The following EVI5 variants were observed in gnomAD, a reference collection of about 807,000 sequenced individuals.
EVI5 encodes the protein ecotropic viral integration site 5 protein homolog.
A neutral mutation model predicts 112.0 loss-of-function variants in EVI5; 73 were observed. The ratio of observed to expected loss-of-function variants is 0.65; its 90% CI spans 0.54 to 0.79. The LOEUF (loss-of-function observed/expected upper bound fraction) is 0.79, where lower values mean the gene tolerates loss of function less well. EVI5 is among the 30% of genes least tolerant of loss of function. The pLI is 0.00. For synonymous variants in EVI5, 305 were observed against 319.9 expected, an observed-to-expected ratio of 0.95 and a Z score of 0.50; for missense variants, 900 against 968.8, an observed-to-expected ratio of 0.93 and a Z score of 0.94.
At chr1:92,629,656 CTTTT>C (rs749218683) in intron 14 of EVI5, among the ~76,000 whole-genome samples, 2 of 151,112 alleles carry the variant, frequency 1.3e-5, no homozygotes, top group Non-Finnish European at 3.0e-5. Context: ...ATGAAATTTT[CTTTT>C]TTTTTCTTTT....
intron 2 of EVI5, among the ~76,000 whole-genome samples, chr1:92,708,822 T>C (rs773894361): frequency 1.3e-5 from 2 of 152,116 alleles, no homozygotes; most frequent in Non-Finnish European, 2.9e-5. Context: ...TCCATGAACC[T>C]TGAAAACATG....
intron 19 of EVI5, among the ~76,000 whole-genome samples, chr1:92,547,641 A>G (rs961277051): frequency 9.9e-5 from 15 of 152,168 alleles, no homozygotes; most frequent in African/African-American, 2.4e-4. Flanking sequence ...TCAAATAGAC[A>G]CAATAAAAAA....
chr1:92,591,364 C>A (rs868843288), intron 18 of EVI5, among the ~76,000 whole-genome samples: 8 of 152,116 alleles, frequency 5.3e-5, no homozygotes, highest in African/African-American at 1.9e-4. Flanking sequence ...ATTCAGGAAA[C>A]CCACCTCAAG....
chr1:92,756,605 T>C (rs1680988523), intron 1 of EVI5: 1 of 503,100 alleles, frequency 2.0e-6, no homozygotes, highest in African/African-American at 1.9e-5. Flanking sequence ...GGACCTCAAA[T>C]GGCACAACTA....
chr1:92,612,975 G>A (rs1188755879), intron 16 of EVI5, among the ~76,000 whole-genome samples: 1 of 152,108 alleles, frequency 6.6e-6, no homozygotes. Flanking sequence ...TACCCCAACG[G>A]GTACACACAC....
intron 19 of EVI5, among the ~76,000 whole-genome samples, chr1:92,546,963 T>A (rs943673788): frequency 1.6e-4 from 25 of 152,086 alleles, no homozygotes; most frequent in African/African-American, 5.8e-4. Flanking sequence ...AACAAGGATA[T>A]CCAGGAATTG....
At chr1:92,779,623 T>C (rs1320453093) in intron 1 of EVI5, among the ~76,000 whole-genome samples, 1 of 152,052 alleles carries the variant, frequency 6.6e-6, no homozygotes, top group Admixed American at 6.6e-5. Flanking sequence ...AATAAGTGAC[T>C]GAGTAGAGGA....
At chr1:92,538,510 G>GT (rs887811496) in intron 19 of EVI5, among the ~76,000 whole-genome samples, 2 of 152,164 alleles carry the variant, frequency 1.3e-5, no homozygotes, top group African/African-American at 4.8e-5. Context: ...TATATCATGT[G>GT]TTTTTTCAGT....
At chr1:92,783,451 T>A (rs1570960401) in intron 1 of EVI5, among the ~76,000 whole-genome samples, 1 of 118,256 alleles carries the variant, frequency 8.5e-6, no homozygotes, top group Admixed American at 1.1e-4. Flanking sequence ...GGAGAATATA[T>A]CCAGCCTAGG....
intron 1 of EVI5, among the ~76,000 whole-genome samples, chr1:92,770,542 G>A (rs1683228559): frequency 6.6e-6 from 1 of 152,126 alleles, no homozygotes; most frequent in African/African-American, 2.4e-5. Context: ...TGTAATCCCA[G>A]CACTTTGGGA....
At chr1:92,577,968 G>A (rs991896129) in intron 18 of EVI5, among the ~76,000 whole-genome samples, 2 of 152,014 alleles carry the variant, frequency 1.3e-5, no homozygotes, top group African/African-American at 4.8e-5. Flanking sequence ...CTTTTGTTTA[G>A]TGCAAGGTAG....
chr1:92,757,952 A>G (rs1681210664), intron 1 of EVI5, among the ~76,000 whole-genome samples: 1 of 151,974 alleles, frequency 6.6e-6, no homozygotes, highest in Non-Finnish European at 1.5e-5. Flanking sequence ...ATTTATAAGA[A>G]AAAACTGGTA....
chr1:92,729,384 G>T (rs1676099372), intron 2 of EVI5, among the ~76,000 whole-genome samples: 1 of 152,144 alleles, frequency 6.6e-6, no homozygotes, highest in African/African-American at 2.4e-5. Flanking sequence ...ACATAAGGGG[G>T]GACTACTATA....
At chr1:92,722,570 G>A (rs181966268) in intron 2 of EVI5, among the ~76,000 whole-genome samples, 1 of 148,734 alleles carries the variant, frequency 6.7e-6, no homozygotes, top group East Asian at 2.0e-4. Flanking sequence ...GCAGTGTTTG[G>A]TTTTCCCACT....
chr1:92,647,818 T>C (rs10874730), intron 13 of EVI5, among the ~76,000 whole-genome samples: 139,677 of 151,600 alleles, frequency 0.92, 64,432 homozygotes, highest in East Asian at 0.97. Context: ...TAGCTCACTG[T>C]AAACTCCACC....
At chr1:92,717,293 A>G (rs1673887876) in intron 2 of EVI5, among the ~76,000 whole-genome samples, 2 of 152,236 alleles carry the variant, frequency 1.3e-5, no homozygotes, top group African/African-American at 4.8e-5. Flanking sequence ...AAGGGCAGAC[A>G]GAAAGGTCGG....
chr1:92,663,588 C>A (rs974426720), intron 11 of EVI5, 136 bp from the exon 12 acceptor site: 5 of 404,986 alleles, frequency 1.2e-5, no homozygotes, highest in Non-Finnish European at 4.3e-6. Context: ...AGTTTAAAAC[C>A]ATTTTTTACT....
chr1:92,665,204 C>CA (rs540320336), intron 11 of EVI5, among the ~76,000 whole-genome samples: 139 of 151,384 alleles, frequency 9.2e-4, no homozygotes, highest in Non-Finnish European at 1.8e-3. Flanking sequence ...GACTCTCTCT[C>CA]AAAAAAATAA....
chr1:92,594,872 ATC>A, intron 18 of EVI5, among the ~76,000 whole-genome samples: 2 of 152,210 alleles, frequency 1.3e-5, no homozygotes, highest in East Asian at 3.9e-4. Flanking sequence ...ATGAGATACC[ATC>A]TCACACCAGT....
Sources: gnomAD v4.1 joint callset for allele counts (sites outside exome capture counted in the v4.1 genomes callset) on GRCh38, gnomAD v4.1.1 for gene constraint, MANE v1.5 for transcripts, NCBI Gene and HGNC (gene_info 2026-07-23, HGNC 2026-07-21) for gene names.